The following AK5 variants were observed in gnomAD, a reference collection of about 807,000 sequenced individuals.
AK5 encodes the protein adenylate kinase isoenzyme 5.
In AK5, 27 loss-of-function variants were observed where a neutral mutation model predicts 69.5. The observed-to-expected ratio is 0.39, with a 90% CI of 0.29 to 0.54. The LOEUF (loss-of-function observed/expected upper bound fraction) is 0.54. Among genes scored for constraint, AK5 ranks in the 20% least tolerant of loss-of-function variants. The probability of loss-of-function intolerance (pLI) is 0.71; values close to 1 mark genes in which losing one functional copy is unlikely to be tolerated. For synonymous variants in AK5, 260 were observed against 244.4 expected (o/e 1.06, Z -0.60); for missense variants, 531 against 700.4 (o/e 0.76, Z 2.73).
chr1:77,438,131 T>C (rs7545638), intron 8 of AK5, among the ~76,000 whole-genome samples: 60,131 of 151,380 alleles, frequency 0.4, 12,175 homozygotes, highest in East Asian at 0.58. Flanking sequence ...GCTGAAATGC[T>C]CTTTAAAAAA....
intron 11 of AK5, among the ~76,000 whole-genome samples, chr1:77,520,160 G>A (rs1476499459): frequency 7.1e-6 from 1 of 140,650 alleles, no homozygotes; most frequent in Non-Finnish European, 1.5e-5. Context: ...CCAAGATCAC[G>A]CCTCTGCACT....
chr1:77,521,776 C>T, intron 11 of AK5, 51 bp from the exon 12 acceptor site: 2 of 1,392,612 alleles, frequency 1.4e-6, no homozygotes, highest in Admixed American at 1.7e-5. Context: ...TGGGGTACTT[C>T]TAGTGTTCTG....
intron 12 of AK5, among the ~76,000 whole-genome samples, chr1:77,527,634 A>G (rs1557655407): frequency 6.6e-6 from 1 of 152,244 alleles, no homozygotes; most frequent in South Asian, 2.1e-4. Flanking sequence ...ACATACTGCT[A>G]GGAGGAACTT....
At chr1:77,474,559 G>T (rs1654724538) in intron 8 of AK5, among the ~76,000 whole-genome samples, 2 of 152,212 alleles carry the variant, frequency 1.3e-5, no homozygotes, top group South Asian at 2.1e-4. Flanking sequence ...TGATCAAGAA[G>T]TGCTTCAGGC....
chr1:77,367,551 T>TTTTATATA (rs1553139653), intron 6 of AK5, among the ~76,000 whole-genome samples: 3 of 19,718 alleles, frequency 1.5e-4, no homozygotes, highest in African/African-American at 4.3e-4. Flanking sequence ...CTCATTTATG[T>TTTTATATA]TATTTTTATA....
chr1:77,422,877 G>A (rs1430451869), intron 8 of AK5, among the ~76,000 whole-genome samples: 1 of 151,976 alleles, frequency 6.6e-6, no homozygotes, highest in African/African-American at 2.4e-5. Flanking sequence ...GCCCCTTTTG[G>A]GCCTCAATTT....
chr1:77,523,652 A>G (rs1658115288), intron 12 of AK5, among the ~76,000 whole-genome samples: 1 of 152,058 alleles, frequency 6.6e-6, no homozygotes, highest in East Asian at 1.9e-4. Flanking sequence ...GCTAAACTGA[A>G]ACTCTACCTA....
At chr1:77,418,556 C>A (rs1650580895) in intron 8 of AK5, among the ~76,000 whole-genome samples, 1 of 152,200 alleles carries the variant, frequency 6.6e-6, no homozygotes, top group African/African-American at 2.4e-5. Flanking sequence ...TCATTTTCCT[C>A]TCAGCAGAAG....
At chr1:77,320,644 G>A (rs1660482166) in intron 5 of AK5, among the ~76,000 whole-genome samples, 1 of 152,120 alleles carries the variant, frequency 6.6e-6, no homozygotes, top group South Asian at 2.1e-4. Flanking sequence ...AGCTACTCAG[G>A]AAGCTGAGAC....
chr1:77,354,307 A>G (rs1402416796), intron 6 of AK5, among the ~76,000 whole-genome samples: 1 of 152,168 alleles, frequency 6.6e-6, no homozygotes, highest in Non-Finnish European at 1.5e-5. Context: ...TTTTTAGGCA[A>G]TTATTCTGAG....
chr1:77,444,252 A>T (rs1453349098), intron 8 of AK5, among the ~76,000 whole-genome samples: 12 of 39,560 alleles, frequency 3.0e-4, no homozygotes, highest in Admixed American at 1.5e-3. Flanking sequence ...TATACACAAC[A>T]TATGTGTATA....
intron 8 of AK5, among the ~76,000 whole-genome samples, chr1:77,419,132 T>A (rs2882564): frequency 6.6e-6 from 1 of 151,778 alleles, no homozygotes; most frequent in Non-Finnish European, 1.5e-5. Flanking sequence ...TTAGGGCACA[T>A]TCTCTAGCAT....
At chr1:77,368,245 A>ATATATATATATATATATTTTATATATAT (rs376578923) in intron 6 of AK5, among the ~76,000 whole-genome samples, 9 of 67,904 alleles carry the variant, frequency 1.3e-4, no homozygotes, top group Non-Finnish European at 2.0e-4. Flanking sequence ...ATATATATAT[A>ATATATATATATATATATTTTATATATAT]TATATATAAT....
chr1:77,459,726 T>C (rs1265434955), intron 8 of AK5, among the ~76,000 whole-genome samples: 1 of 152,212 alleles, frequency 6.6e-6, no homozygotes, highest in East Asian at 1.9e-4. Context: ...GCTATCATAG[T>C]ATCTGGCTCA....
chr1:77,477,553 G>A (rs748013533), intron 8 of AK5, among the ~76,000 whole-genome samples: 1 of 152,120 alleles, frequency 6.6e-6, no homozygotes, highest in Non-Finnish European at 1.5e-5. Context: ...CAGAATTTGA[G>A]TTATTCTGTT....
At chr1:77,547,547 C>T (rs1659607140) in intron 13 of AK5, among the ~76,000 whole-genome samples, 1 of 152,138 alleles carries the variant, frequency 6.6e-6, no homozygotes, top group African/African-American at 2.4e-5. Context: ...GCTGGGATTA[C>T]AGACATGAGC....
At position 77,462,421 on chromosome 1, in the gene AK5, A is replaced by G. The variant is rs541212999; in HGVS notation, c.1060-20896A>G. Among the ~76,000 whole-genome samples the G allele has an allele frequency of 4.5e-4, 68 of 152,226 alleles. 3 individuals carry two copies. In the South Asian group the frequency reaches 0.013, roughly 30 times the overall value. ...CCATTTAAATTTTTTTACTTGAGCA[A>G]TACATATTCATTTTATAAATATTAT... On this transcript the variant is annotated intron_variant, in intron 8 of 13. Transcript: ENST00000354567.
rs1553161651 is a variant in AK5, at chr1:77,533,521, A to AAAAAAC, written c.1429-2321_1429-2320insCAAAAA. Among the ~76,000 whole-genome samples the AAAAAAC allele has an allele frequency of 2.7e-5, 4 of 148,694 alleles. 1 individual carries two copies. The highest frequency in any genetic ancestry group is 1.0e-4 in the African/African-American group (4 of 39,232). On this transcript the variant is annotated intron_variant, in intron 12 of 13. Coordinates refer to ENST00000354567, the MANE Select transcript of AK5 (RefSeq NM_174858.3). ...AAGACTCTGTCACCAAAAAAAAAAA[A>AAAAAAC]AAAAAAAAAAAAAACAGATTCTGCT...
At chr1:77,403,677 C>T (rs940229674) in intron 6 of AK5, among the ~76,000 whole-genome samples, 1 of 152,166 alleles carries the variant, frequency 6.6e-6, no homozygotes, top group African/African-American at 2.4e-5. Context: ...GGTACCAGTA[C>T]CATGCTGTTT....
Sources: allele counts gnomAD v4.1 joint callset (sites outside exome capture counted in the v4.1 genomes callset), GRCh38; gene constraint gnomAD v4.1.1; transcripts MANE v1.5; gene names NCBI Gene and HGNC (gene_info 2026-07-23, HGNC 2026-07-21).